Variants in PXN observed in about 807,000 individuals in gnomAD.
The protein encoded by PXN is paxillin.
A neutral mutation model predicts 103.6 loss-of-function variants in PXN; 61 were observed. The ratio of observed to expected loss-of-function variants is 0.59; its 90% CI spans 0.48 to 0.73. The LOEUF (loss-of-function observed/expected upper bound fraction) is 0.73, where lower values mean the gene tolerates loss of function less well. Among genes scored for constraint, PXN ranks in the 30% least tolerant of loss-of-function variants. The probability of loss-of-function intolerance (pLI) is 0.00; values close to 1 mark genes in which losing one functional copy is unlikely to be tolerated. For missense variants in PXN, 1,274 were observed against 1,460.3 expected, an observed-to-expected ratio of 0.87 and a Z score of 2.08; for synonymous variants, 562 against 607.8, an observed-to-expected ratio of 0.92 and a Z score of 1.11.
At chr12:120,237,126 C>CGT (rs147625061) in intron 1 of PXN, among the ~76,000 whole-genome samples, 33,080 of 142,038 alleles carry the variant, frequency 0.23, 4,077 homozygotes, top group East Asian at 0.5. Flanking sequence ...TATGTATGTA[C>CGT]GTGTGTGTGT....
At chr12:120,231,667 G>A (rs1314732141) in intron 1 of PXN, among the ~76,000 whole-genome samples, 1 of 152,214 alleles carries the variant, frequency 6.6e-6, no homozygotes, top group Non-Finnish European at 1.5e-5. Flanking sequence ...TCCTTGCAGA[G>A]GGTGACACAA....
chr12:120,246,514 C>CAAAAAAAAAAAAAAAAAAAAAAAAAA (rs139689226), intron 1 of PXN, among the ~76,000 whole-genome samples: 1 of 58,324 alleles, frequency 1.7e-5, no homozygotes, highest in South Asian at 5.4e-4. Context: ...GACTCTGTCT[C>CAAAAAAAAAAAAAAAAAAAAAAAAAA]AAAAAAAAAA....
intron 1 of PXN, among the ~76,000 whole-genome samples, chr12:120,256,052 G>A (rs984565715): frequency 1.3e-5 from 2 of 151,838 alleles, no homozygotes; most frequent in Non-Finnish European, 2.9e-5. Flanking sequence ...ATTCTGGGCG[G>A]CAGAGCAAGA....
At position 120,265,397 on chromosome 12, in the gene PXN, G is replaced by T. The variant is rs1036776096; in HGVS notation, c.13+220C>A. 9.7e-4 allele frequency among the ~76,000 whole-genome samples: 147 copies of T among 152,060 alleles called. 1 individual carries two copies. The highest frequency in any genetic ancestry group is 6.8e-3 in the Middle Eastern group (2 of 294). ...GTCCAGAGGTGAAGCCGTCCCAGAC[G>T]GGGGGTCGCTGCTGTGCGGTCGGTG... On this transcript the variant is annotated intron_variant, in intron 1 of 14. Coordinates refer to ENST00000637617, the MANE Select transcript of PXN (RefSeq NM_001385981.1). This position sits in a 1 kb window ranked among gnomAD's most constrained non-coding sequence, Gnocchi z 5.7.
In PXN at chr12:120,215,915, G is replaced by T. The variant is rs996981027; in HGVS notation, c.2302-254C>A. The T allele has an allele frequency of 2.0e-5, 28 of 1,400,222 alleles. No individual in the cohort carries two copies. The African/African-American group carries it at 4.0e-4, about 20-fold the overall frequency. The allele number at this position is 1,400,222 out of a possible 1,614,324, so 86.7% of individuals were successfully genotyped here. A position where few individuals can be genotyped will look rare whatever the true frequency, so the allele number is the denominator to read the frequency against. On this transcript the variant is annotated intron_variant, in intron 9 of 14. Transcript: ENST00000637617. This position sits in a 1 kb window ranked among gnomAD's most constrained non-coding sequence, Gnocchi z 4.9. The stretch of plus-strand genomic sequence containing the variant: ...TGGCAAGGGGAGGTGGCCGGGCTCA[G>T]TGATGAGGCCTCACCGGGCGCTGGG...
intron 1 of PXN, among the ~76,000 whole-genome samples, chr12:120,239,003 G>A (rs778589751): frequency 3.9e-5 from 6 of 152,188 alleles, no homozygotes; most frequent in East Asian, 1.9e-4. Flanking sequence ...AACTTCTGAC[G>A]GGAACCAAAC....
chr12:120,212,294 C>A lies in PXN; in HGVS notation c.*20G>T, dbSNP rs1880416380. 1.9e-6 allele frequency: 3 copies of A among 1,604,206 alleles called. No individual in the cohort carries two copies. Among genetic ancestry groups the A allele is most frequent in the Non-Finnish European group, 1.7e-6 (2 of 1,174,456 alleles). On this transcript the variant is annotated 3_prime_UTR_variant, in exon 15 of 15. Transcript: ENST00000637617. The surrounding 1 kb of genome is among the most constrained non-coding windows in gnomAD (Gnocchi z 7.2). The stretch of plus-strand genomic sequence containing the variant: ...GGGGATGCTGGCTGGGGAAGGGGGG[C>A]AGAGACAGGGGCAGGGCACCTAGCA...
In PXN at chr12:120,229,057, G is replaced by A. The variant is rs1373917745; in HGVS notation, c.14-4680C>T. On this transcript the variant is annotated intron_variant, in intron 1 of 14. Coordinates refer to ENST00000637617, the MANE Select transcript of PXN (RefSeq NM_001385981.1). The surrounding 1 kb of genome is among the most constrained non-coding windows in gnomAD (Gnocchi z 4.0). ...GCTCCGAGGAGGAGGGGACCGGTTC[G>A]CCTGCATTCCAGGGCAAGTGCTGCA... Among the ~76,000 whole-genome samples the A allele has an allele frequency of 2.0e-5, 3 of 152,264 alleles. No individual in the cohort carries two copies. Among genetic ancestry groups the A allele is most frequent in the Admixed American group, 6.5e-5 (1 of 15,298 alleles).
At chr12:120,240,092 C>A (rs1393194802) in intron 1 of PXN, among the ~76,000 whole-genome samples, 1 of 152,094 alleles carries the variant, frequency 6.6e-6, no homozygotes. Context: ...GAGCTCAGTT[C>A]CCTCATCTAT....
intron 1 of PXN, among the ~76,000 whole-genome samples, chr12:120,252,538 G>A (rs1450789217): frequency 6.6e-6 from 1 of 152,134 alleles, no homozygotes; most frequent in Non-Finnish European, 1.5e-5. Flanking sequence ...GAACTGAGTG[G>A]TTGGCATGGT....
In PXN at chr12:120,212,639, G is replaced by A. The variant is rs573310693; in HGVS notation, c.2980-59C>T. ...CCCTCGGGCTAGAGCTGCACCCTGT[G>A]TGATGGGGCCGAGGTGGGCATAGTC... is the stretch of plus-strand genomic sequence containing the variant. On this transcript the variant is annotated intron_variant, in intron 14 of 14. Transcript: ENST00000637617. The surrounding 1 kb of genome is among the most constrained non-coding windows in gnomAD (Gnocchi z 7.2). 51 of 1,566,458 alleles carry A rather than the reference G, an allele frequency of 3.3e-5. No homozygotes were observed. The highest frequency in any genetic ancestry group is 3.2e-4 in the African/African-American group (24 of 74,420).
Position 120,215,165 on chromosome 12 carries a change from G to A in PXN, c.2512C>T (p.Leu838=). Residue 838 remains leucine (L), a synonymous_variant, in exon 11 of 15, where the codon CTG becomes TTG. Coordinates refer to ENST00000637617, the MANE Select transcript of PXN (RefSeq NM_001385981.1). This position sits in a 1 kb window ranked among gnomAD's most constrained non-coding sequence, Gnocchi z 4.9. ...CCTTTGGCGACTGTGGCGACCCCCA[G>A]CTTGTTCAGGTCAGACTGCAGGCTC... ...LGSLQSDLNK[L]GVATVAKGVC... 6.3e-7 allele frequency: 1 copy of A among 1,575,778 alleles called. No individual in the cohort carries two copies. Among genetic ancestry groups the A allele is most frequent in the South Asian group, 1.2e-5 (1 of 85,896 alleles).
Position 120,219,324 on chromosome 12 carries a change from CCTT to C in PXN, c.1596_1598del (p.Arg533del). ...CAGCTTCCGTGGTGCCCTCTGGGCT[CCTT>C]GGGGTTTCAGGTCCCTGGGTTGGCC... On this transcript the variant is annotated inframe_deletion, in exon 7 of 15. Transcript: ENST00000637617. This position sits in a 1 kb window ranked among gnomAD's most constrained non-coding sequence, Gnocchi z 6.5. The C allele has an allele frequency of 6.3e-7, 1 of 1,598,406 alleles. No homozygotes were observed. The highest frequency in any genetic ancestry group is 1.3e-5 in the African/African-American group (1 of 75,054).
At chr12:120,243,929 A>T (rs899952182) in intron 1 of PXN, among the ~76,000 whole-genome samples, 2 of 152,048 alleles carry the variant, frequency 1.3e-5, no homozygotes, top group South Asian at 4.2e-4. Context: ...TCTTCATCTG[A>T]GCATTGGGCA....
Position 120,211,797 on chromosome 12 carries a change from G to T in PXN, c.*517C>A, listed in dbSNP as rs1190149195. 1.2e-5 allele frequency: 5 copies of T among 414,796 alleles called. No homozygotes were observed. The East Asian group carries it at 2.8e-4, about 24-fold the overall frequency. The allele number at this position is 414,796 out of a possible 1,614,324, so 25.7% of individuals were successfully genotyped here. A position where few individuals can be genotyped will look rare whatever the true frequency, so the allele number is the denominator to read the frequency against. On this transcript the variant is annotated 3_prime_UTR_variant, in exon 15 of 15. Coordinates refer to ENST00000637617, the MANE Select transcript of PXN (RefSeq NM_001385981.1). The stretch of plus-strand genomic sequence containing the variant: ...AGGAGGAGCACAGAGAACCTTCCAT[G>T]GCCCCTTTGGTTCTCTGCCTTTGGA...
At chr12:120,252,061 T>C (rs967278856) in intron 1 of PXN, among the ~76,000 whole-genome samples, 1 of 152,132 alleles carries the variant, frequency 6.6e-6, no homozygotes, top group African/African-American at 2.4e-5. Context: ...ACAGCATTGA[T>C]ACAGAACCAA....
Position 120,224,744 on chromosome 12 carries a change from AG to A in PXN, c.14-368del, listed in dbSNP as rs1266571009. ...ACTCTGAATCTGCAGGGCAACGCGGAGAGAATGGGCGGGAGGGGCCCCACGT... is the reference window on the plus strand; with the variant it reads ...ACTCTGAATCTGCAGGGCAACGCGGAAGAATGGGCGGGAGGGGCCCCACGT... On this transcript the variant is annotated intron_variant, in intron 1 of 14. Coordinates refer to ENST00000637617, the MANE Select transcript of PXN (RefSeq NM_001385981.1). The surrounding 1 kb of genome is among the most constrained non-coding windows in gnomAD (Gnocchi z 5.0). 1 of 508,676 alleles carries A rather than the reference AG, an allele frequency of 2.0e-6. No individual in the cohort carries two copies. The highest frequency in any genetic ancestry group is 5.3e-5 in the East Asian group (1 of 19,038). The allele number at this position is 508,676 out of a possible 1,614,324, so 31.5% of individuals were successfully genotyped here.
chr12:120,215,314 G>C lies in PXN; in HGVS notation c.2404-41C>G. 1 of 1,552,948 alleles carries C rather than the reference G, an allele frequency of 6.4e-7. No individual in the cohort carries two copies. Among genetic ancestry groups the C allele is most frequent in the Non-Finnish European group, 8.7e-7 (1 of 1,152,968 alleles). ...GGGCTGGTCAGGACTCCTGAGGCTC[G>C]GGGTACGGTGTCTGGCAGCACAGGG... On this transcript the variant is annotated intron_variant, in intron 10 of 14. Coordinates refer to ENST00000637617, the MANE Select transcript of PXN (RefSeq NM_001385981.1). This position sits in a 1 kb window ranked among gnomAD's most constrained non-coding sequence, Gnocchi z 4.9.
chr12:120,254,488 G>A (rs760655156), intron 1 of PXN, among the ~76,000 whole-genome samples: 33 of 152,176 alleles, frequency 2.2e-4, no homozygotes, highest in African/African-American at 6.8e-4. Flanking sequence ...CTATCTGTAC[G>A]TATCCTATGA....
Sources: allele counts gnomAD v4.1 joint callset (sites outside exome capture counted in the v4.1 genomes callset), GRCh38; gene constraint gnomAD v4.1.1; non-coding constraint Gnocchi (gnomAD v3.1); transcripts MANE v1.5; gene names NCBI Gene and HGNC (gene_info 2026-07-23, HGNC 2026-07-21).